Variants in GPBP1 observed in about 807,000 individuals in gnomAD.
GPBP1 encodes the protein vasculin.
In GPBP1, 13 loss-of-function variants were observed where a neutral mutation model predicts 56.5. The ratio of observed to expected loss-of-function variants is 0.23; its 90% CI spans 0.15 to 0.37. GPBP1 has a LOEUF of 0.37. GPBP1 is among the 10% of genes least tolerant of loss of function. The probability of loss-of-function intolerance (pLI) is 1.00; values close to 1 mark genes in which losing one functional copy is unlikely to be tolerated. For missense variants in GPBP1, 477 were observed against 572.3 expected (o/e 0.83, Z 1.70); for synonymous variants, 204 against 188.9 (o/e 1.08, Z -0.66).
intron 1 of GPBP1, 21 bp from the exon 2 acceptor site, chr5:57,175,427 T>A: frequency 2.5e-6 from 1 of 397,332 alleles, no homozygotes; most frequent in East Asian, 3.6e-5. Flanking sequence ...CAGTATATAA[T>A]TTTTTTTATA....
At chr5:57,219,609 T>C (rs1196707205) in intron 3 of GPBP1, among the ~76,000 whole-genome samples, 1 of 152,092 alleles carries the variant, frequency 6.6e-6, no homozygotes, top group African/African-American at 2.4e-5. Context: ...GAGCTGCTCT[T>C]GTTTGTCTTT....
chr5:57,256,226 G>A (rs561838718), intron 10 of GPBP1, among the ~76,000 whole-genome samples: 2 of 152,008 alleles, frequency 1.3e-5, no homozygotes, highest in East Asian at 1.9e-4. Flanking sequence ...CTGAACTCTA[G>A]CCTGGACGGC....
At chr5:57,234,963 C>T (rs1479045755) in intron 5 of GPBP1, among the ~76,000 whole-genome samples, 1 of 151,942 alleles carries the variant, frequency 6.6e-6, no homozygotes, top group Non-Finnish European at 1.5e-5. Context: ...TTCTGATCTA[C>T]AGAGCTATGA....
At chr5:57,206,169 T>C (rs1304796172) in intron 2 of GPBP1, among the ~76,000 whole-genome samples, 1 of 152,218 alleles carries the variant, frequency 6.6e-6, no homozygotes, top group East Asian at 1.9e-4. Flanking sequence ...GCATATATTT[T>C]CTTCTGTCAG....
chr5:57,261,132 C>A (rs1034526682), intron 10 of GPBP1, 48 bp from the exon 11 acceptor site: 2 of 1,119,132 alleles, frequency 1.8e-6, no homozygotes, highest in Non-Finnish European at 2.7e-6. Context: ...TGATACTGTC[C>A]TACTCAGGGT....
chr5:57,255,218 C>G (rs1741603764), intron 10 of GPBP1, among the ~76,000 whole-genome samples: 1 of 151,958 alleles, frequency 6.6e-6, no homozygotes, highest in African/African-American at 2.4e-5. Context: ...CTTTCCCTTT[C>G]TCTCCCCTTT....
intron 2 of GPBP1, among the ~76,000 whole-genome samples, chr5:57,205,983 T>G (rs1755216224): frequency 6.6e-6 from 1 of 152,096 alleles, no homozygotes; most frequent in African/African-American, 2.4e-5. Flanking sequence ...CCCAGGTTAG[T>G]CTCAAACTCC....
chr5:57,190,587 TAAAAA>T (rs541358340), intron 2 of GPBP1, among the ~76,000 whole-genome samples: 1 of 135,112 alleles, frequency 7.4e-6, no homozygotes, highest in Admixed American at 7.6e-5. Flanking sequence ...CCATCTCAGT[TAAAAA>T]AAAAAAAAGA....
chr5:57,175,792 G>C lies in GPBP1; in HGVS notation c.-666G>C. The C allele has an allele frequency of 2.5e-6, 1 of 396,944 alleles. No individual in the cohort carries two copies. The allele number at this position is 396,944 out of a possible 1,614,324, so 24.6% of individuals were successfully genotyped here. A position where few individuals can be genotyped will look rare whatever the true frequency, so the allele number is the denominator to read the frequency against. On this transcript the variant is annotated 5_prime_UTR_variant, in exon 2 of 12. Transcript: ENST00000506184. ...GAGACGTTGATTTGTGTACTGAGTA[G>C]TTTCAGCAGTTTCAAATGACTGAGT... is the stretch of plus-strand genomic sequence containing the variant.
intron 3 of GPBP1, chr5:57,221,450 C>A: frequency 9.3e-7 from 1 of 1,080,810 alleles, no homozygotes; most frequent in Non-Finnish European, 1.4e-6. Flanking sequence ...AGATAACTAG[C>A]AAATTCCATT....
At chr5:57,243,842 G>A (rs1740951583) in intron 6 of GPBP1, among the ~76,000 whole-genome samples, 2 of 151,606 alleles carry the variant, frequency 1.3e-5, no homozygotes, top group South Asian at 4.2e-4. Context: ...ACATCACTGT[G>A]TCTGGCTAAT....
At chr5:57,239,002 A>G (rs1580059979) in intron 6 of GPBP1, among the ~76,000 whole-genome samples, 1 of 152,230 alleles carries the variant, frequency 6.6e-6, no homozygotes, top group Non-Finnish European at 1.5e-5. Context: ...AATTATGATG[A>G]AAGCCAATGG....
At chr5:57,211,103 AAC>A (rs767547659) in intron 2 of GPBP1, among the ~76,000 whole-genome samples, 5 of 152,182 alleles carry the variant, frequency 3.3e-5, no homozygotes, top group Non-Finnish European at 4.4e-5. Context: ...GAACTTGTGA[AAC>A]TTTAATTAGC....
rs184085184 is a variant in GPBP1, at chr5:57,222,903, G to A, written c.64-7943G>A. Among the ~76,000 whole-genome samples the A allele has an allele frequency of 3.3e-5, 5 of 152,068 alleles. No individual in the cohort carries two copies. In the East Asian group the frequency reaches 9.7e-4, roughly 29 times the overall value. ...AAATTAGATGAAAAGATGGTATTTC[G>A]TTTTGATTTGCATCACTTAATGACG... On this transcript the variant is annotated intron_variant, in intron 3 of 11. Transcript: ENST00000506184.
At chr5:57,201,302 TC>T (rs35563660) in intron 2 of GPBP1, among the ~76,000 whole-genome samples, 1 of 152,114 alleles carries the variant, frequency 6.6e-6, no homozygotes, top group East Asian at 1.9e-4. Context: ...AATTTTTTTT[TC>T]CCAGTACAGA....
intron 11 of GPBP1, among the ~76,000 whole-genome samples, chr5:57,262,364 A>G (rs1741934359): frequency 6.6e-6 from 1 of 152,194 alleles, no homozygotes; most frequent in African/African-American, 2.4e-5. Context: ...GAAGGTATTT[A>G]TTACAGTTGT....
chr5:57,254,477 T>C (rs902068072), intron 10 of GPBP1, among the ~76,000 whole-genome samples: 2 of 152,082 alleles, frequency 1.3e-5, no homozygotes, highest in African/African-American at 4.8e-5. Flanking sequence ...GGTGGGTCAC[T>C]TGAGGTCAGG....
chr5:57,182,245 G>A (rs537005231), intron 2 of GPBP1, among the ~76,000 whole-genome samples: 1 of 151,936 alleles, frequency 6.6e-6, no homozygotes, highest in East Asian at 1.9e-4. Context: ...CATCAGGCCT[G>A]GCTAAGTTTT....
intron 1 of GPBP1, 117 bp from the exon 2 acceptor site, chr5:57,175,331 C>A (rs536512954): frequency 3.4e-5 from 13 of 385,398 alleles, no homozygotes; most frequent in African/African-American, 1.9e-4. Context: ...TTTCCAGGCT[C>A]CTGTAGGGTT....
Sources: allele counts gnomAD v4.1 joint callset (sites outside exome capture counted in the v4.1 genomes callset), GRCh38; gene constraint gnomAD v4.1.1; transcripts MANE v1.5; gene names NCBI Gene and HGNC (gene_info 2026-07-23, HGNC 2026-07-21).